The following LRRTM3 variants were observed in gnomAD, a reference collection of about 807,000 sequenced individuals.
LRRTM3 encodes leucine rich repeat transmembrane neuronal 3.
A neutral mutation model predicts 44.7 loss-of-function variants in LRRTM3; 24 were observed. The ratio of observed to expected loss-of-function variants is 0.54; its 90% CI spans 0.39 to 0.76. The LOEUF (loss-of-function observed/expected upper bound fraction) is 0.76, where lower values mean the gene tolerates loss of function less well. Ranked by LOEUF, LRRTM3 falls within the 30% of genes least tolerant of loss-of-function variation. The pLI is 0.00. For missense variants in LRRTM3, 587 were observed against 702.2 expected, an observed-to-expected ratio of 0.84 and a Z score of 1.85; for synonymous variants, 277 against 278.7, an observed-to-expected ratio of 0.99 and a Z score of 0.06.
At chr10:66,985,712 TTC>T (rs1159923711) in intron 2 of LRRTM3, among the ~76,000 whole-genome samples, 4 of 152,014 alleles carry the variant, frequency 2.6e-5, no homozygotes, top group African/African-American at 9.7e-5. Context: ...ACCACATTCT[TTC>T]TGTTTGTTTA....
intron 2 of LRRTM3, among the ~76,000 whole-genome samples, chr10:67,072,291 G>A (rs887680224): frequency 6.6e-5 from 10 of 152,152 alleles, no homozygotes; most frequent in African/African-American, 1.9e-4. Flanking sequence ...TTCTCCAATC[G>A]AATTTTCTTT....
At chr10:67,017,296 C>G (rs1589608963) in intron 2 of LRRTM3, among the ~76,000 whole-genome samples, 1 of 152,078 alleles carries the variant, frequency 6.6e-6, no homozygotes, top group South Asian at 2.1e-4. Flanking sequence ...GGTTAGTTCC[C>G]AAGAACACAG....
At chr10:66,949,033 A>G (rs1848408785) in intron 2 of LRRTM3, among the ~76,000 whole-genome samples, 1 of 152,212 alleles carries the variant, frequency 6.6e-6, no homozygotes, top group Non-Finnish European at 1.5e-5. Context: ...AAAAGCATGT[A>G]ATCTTGCAAA....
chr10:66,956,383 C>T (rs1477153860), intron 2 of LRRTM3, among the ~76,000 whole-genome samples: 6 of 151,972 alleles, frequency 3.9e-5, no homozygotes, highest in African/African-American at 1.2e-4. Context: ...GTAGGCATTG[C>T]TTGCTATCTT....
chr10:67,001,452 G>C (rs10997478), intron 2 of LRRTM3, among the ~76,000 whole-genome samples: 22,272 of 151,734 alleles, frequency 0.15, 2,035 homozygotes, highest in South Asian at 0.3. Context: ...AGACAGGGGT[G>C]GGGGACAGAA....
At chr10:66,941,145 A>C (rs1347944040) in intron 2 of LRRTM3, among the ~76,000 whole-genome samples, 2 of 152,252 alleles carry the variant, frequency 1.3e-5, no homozygotes, top group Non-Finnish European at 2.9e-5. Context: ...GTAGAGAGAC[A>C]ATATTTCCTC....
intron 2 of LRRTM3, among the ~76,000 whole-genome samples, chr10:67,074,221 C>T (rs968368649): frequency 2.6e-5 from 4 of 151,204 alleles, no homozygotes; most frequent in East Asian, 2.0e-4. Flanking sequence ...TTAATAGAAA[C>T]GGGGTTTCAC....
At chr10:66,981,742 T>C (rs1850453682) in intron 2 of LRRTM3, among the ~76,000 whole-genome samples, 1 of 152,214 alleles carries the variant, frequency 6.6e-6, no homozygotes, top group African/African-American at 2.4e-5. Flanking sequence ...ATTATGAACA[T>C]GGCATAGCAC....
chr10:66,965,721 C>T (rs1157369636), intron 2 of LRRTM3, among the ~76,000 whole-genome samples: 1 of 151,966 alleles, frequency 6.6e-6, no homozygotes, highest in African/African-American at 2.4e-5. Context: ...TTCTCTCTTC[C>T]TTCCATCTTC....
intron 2 of LRRTM3, among the ~76,000 whole-genome samples, chr10:66,956,998 T>C (rs1401252330): frequency 6.6e-6 from 1 of 152,182 alleles, no homozygotes. Context: ...AACCATGGAA[T>C]GTAGAAGATA....
intron 2 of LRRTM3, among the ~76,000 whole-genome samples, chr10:66,975,601 G>C (rs1377401707): frequency 6.6e-6 from 1 of 152,160 alleles, no homozygotes; most frequent in African/African-American, 2.4e-5. Flanking sequence ...GTCTATGATT[G>C]TCATGTACAG....
chr10:67,007,088 A>C (rs1364337774), intron 2 of LRRTM3, among the ~76,000 whole-genome samples: 3 of 151,976 alleles, frequency 2.0e-5, no homozygotes, highest in Non-Finnish European at 4.4e-5. Context: ...GAGCCACCAC[A>C]CCCAGCTTAC....
intron 2 of LRRTM3, among the ~76,000 whole-genome samples, chr10:66,951,588 G>C (rs1313842413): frequency 2.6e-5 from 4 of 152,118 alleles, no homozygotes; most frequent in Admixed American, 2.6e-4. Context: ...ACAGAGATAG[G>C]GCATGAAATG....
intron 2 of LRRTM3, among the ~76,000 whole-genome samples, chr10:66,956,449 A>G (rs1445610283): frequency 4.6e-5 from 7 of 152,026 alleles, no homozygotes; most frequent in Admixed American, 4.6e-4. Flanking sequence ...TGGCTTGCAG[A>G]GCTTGGGCTG....
intron 2 of LRRTM3, among the ~76,000 whole-genome samples, chr10:66,948,067 T>C (rs1389932793): frequency 6.6e-6 from 1 of 152,194 alleles, no homozygotes; most frequent in African/African-American, 2.4e-5. Flanking sequence ...TATCTAAACA[T>C]AGAAAAGGTA....
At chr10:67,045,042 C>A (rs1484645967) in intron 2 of LRRTM3, among the ~76,000 whole-genome samples, 3 of 152,254 alleles carry the variant, frequency 2.0e-5, no homozygotes, top group African/African-American at 7.2e-5. Context: ...AATAGCATAG[C>A]TTTTGAACAA....
intron 2 of LRRTM3, among the ~76,000 whole-genome samples, chr10:67,090,748 T>A (rs1353124188): frequency 1.3e-5 from 2 of 152,022 alleles, no homozygotes; most frequent in Non-Finnish European, 2.9e-5. Flanking sequence ...ACGCATCAAC[T>A]GACAGACGCA....
chr10:67,028,241 T>A (rs1443606305), intron 2 of LRRTM3, among the ~76,000 whole-genome samples: 1 of 152,158 alleles, frequency 6.6e-6, no homozygotes, highest in Non-Finnish European at 1.5e-5. Flanking sequence ...CATTGTTTGT[T>A]TGTTGTTGTT....
At chr10:67,005,572 G>A (rs1418515054) in intron 2 of LRRTM3, among the ~76,000 whole-genome samples, 1 of 151,664 alleles carries the variant, frequency 6.6e-6, no homozygotes, top group Non-Finnish European at 1.5e-5. Context: ...GGAGGCAAAG[G>A]TGAATATATC....
Sources: allele counts gnomAD v4.1 joint callset (sites outside exome capture counted in the v4.1 genomes callset), GRCh38; gene constraint gnomAD v4.1.1; transcripts MANE v1.5; gene names NCBI Gene and HGNC (gene_info 2026-07-23, HGNC 2026-07-21).